Variants in LTBP4 observed in about 807,000 individuals in gnomAD.
The protein encoded by LTBP4 is latent-transforming growth factor beta-binding protein 4.
LTBP4 carries 93 observed loss-of-function variants against 180.2 expected under a neutral mutation model. The ratio of observed to expected loss-of-function variants is 0.52; its 90% CI spans 0.44 to 0.61. The LOEUF (loss-of-function observed/expected upper bound fraction) is 0.61. Among genes scored for constraint, LTBP4 ranks in the 20% least tolerant of loss-of-function variants. LTBP4 has a pLI of 0.00. For synonymous variants in LTBP4, 947 were observed against 934.5 expected (o/e 1.01, Z -0.24); for missense variants, 2,116 against 2,256.5 (o/e 0.94, Z 1.26).
upstream of LTBP4, among the ~76,000 whole-genome samples, chr19:40,598,255 G>A (rs1182692272): frequency 6.6e-6 from 1 of 152,114 alleles, no homozygotes; most frequent in Non-Finnish European, 1.5e-5. Context: ...CTGGAGAAAA[G>A]GCGGGAGGGA....
At chr19:40,617,331 AT>A in intron 21 of LTBP4, 106 bp downstream of exon 21, 1 of 1,413,134 alleles carries the variant, frequency 7.1e-7, no homozygotes, top group Non-Finnish European at 9.5e-7. Context: ...GGGTTGTGGA[AT>A]TTAGACTTTG....
chr19:40,605,197 C>T lies in LTBP4; in HGVS notation c.413C>T (p.Pro138Leu). The part of the protein sequence containing the change: ...PGLTRSVYTM[P>L]LANHRDDEHG... ...CTCACCCGCTCCGTGTACACTATGC[C>T]ACTGGCCAACCACCGCGACGACGAG... Residue 138 changes from proline (P) to leucine (L), a missense_variant, in exon 2 of 30, where the codon CCA becomes CTA. Transcript: ENST00000396819. The surrounding 1 kb of genome is among the most constrained non-coding windows in gnomAD (Gnocchi z 5.5). 2 of 1,604,420 alleles carry T rather than the reference C, an allele frequency of 1.2e-6. No individual in the cohort carries two copies. The highest frequency in any genetic ancestry group is 1.7e-6 in the Non-Finnish European group (2 of 1,175,680).
intron 28 of LTBP4, 30 bp from the exon 29 acceptor site, chr19:40,627,675 C>A (rs375611941): frequency 2.6e-6 from 4 of 1,565,854 alleles, no homozygotes; most frequent in Non-Finnish European, 3.5e-6. Context: ...GCAGGGACCT[C>A]AAGTCATAGG....
chr19:40,625,297 TATA>T (rs2081623114), intron 26 of LTBP4, among the ~76,000 whole-genome samples: 1 of 20,548 alleles, frequency 4.9e-5, no homozygotes, highest in Non-Finnish European at 7.3e-5. Context: ...TATATATATA[TATA>T]TATATATATA....
chr19:40,597,867 T>C (rs1568399467), upstream of LTBP4, among the ~76,000 whole-genome samples: 2 of 147,946 alleles, frequency 1.4e-5, no homozygotes, highest in Non-Finnish European at 3.0e-5. Flanking sequence ...TTCGAATTGG[T>C]CAGGAAGACA....
rs2081452683 is a variant in LTBP4 at position 40,605,469 on chromosome 19, G to A, written c.507G>A (p.Gln169=). The part of the protein sequence containing the change: ...HPQEASVVVH[Q]VERVSGPWEE... ...AGGAGGCGTCGGTGGTGGTGCACCAGGTGGAGCGTGTGTCTGGCCCTTGGG... is the reference window on the plus strand; with the variant it reads ...AGGAGGCGTCGGTGGTGGTGCACCAAGTGGAGCGTGTGTCTGGCCCTTGGG... The change falls in exon 3 of 30, where the codon CAG becomes CAA. Residue 169 remains glutamine, a synonymous_variant. Coordinates refer to ENST00000396819, the MANE Select transcript of LTBP4 (RefSeq NM_001042545.2). This position sits in a 1 kb window ranked among gnomAD's most constrained non-coding sequence, Gnocchi z 5.5. 1 of 1,612,496 alleles carries A rather than the reference G, an allele frequency of 6.2e-7. No homozygotes were observed. The highest frequency in any genetic ancestry group is 1.1e-5 in the South Asian group (1 of 91,090).
In LTBP4 at chr19:40,617,259, G is replaced by T. The variant is rs372458729; in HGVS notation, c.3070+34G>T. On this transcript the variant is annotated intron_variant, in intron 21 of 29. Coordinates refer to ENST00000396819, the MANE Select transcript of LTBP4 (RefSeq NM_001042545.2). The stretch of plus-strand genomic sequence containing the variant: ...CTTCAGGAGGTGGATGGGACCAAAG[G>T]GGGTGGGGGAGGTTGGTCAGGCCCT... The T allele has an allele frequency of 4.6e-5, 74 of 1,598,452 alleles. No homozygotes were observed. The South Asian group carries it at 7.2e-4, about 16-fold the overall frequency.
At position 40,605,696 on chromosome 19, in the gene LTBP4, G is replaced by T; in HGVS notation, c.691-33G>T. ...GGAGGGGCCCGGAGCTTGCCTCCGC[G>T]CGGGGGCGCGCTCACCCAACACTTC... is the stretch of plus-strand genomic sequence containing the variant. On this transcript the variant is annotated intron_variant, in intron 3 of 29. Coordinates refer to ENST00000396819, the MANE Select transcript of LTBP4 (RefSeq NM_001042545.2). The surrounding 1 kb of genome is among the most constrained non-coding windows in gnomAD (Gnocchi z 5.5). The T allele has an allele frequency of 1.3e-6, 2 of 1,545,922 alleles. No individual in the cohort carries two copies. The highest frequency in any genetic ancestry group is 1.7e-6 in the Non-Finnish European group (2 of 1,146,114).
intron 26 of LTBP4, among the ~76,000 whole-genome samples, chr19:40,625,313 TATA>T (rs1568414631): frequency 4.0e-4 from 14 of 34,908 alleles, no homozygotes; most frequent in East Asian, 6.9e-4. Context: ...TATATATATA[TATA>T]TTTTTTTTTT....
At chr19:40,597,234 G>T (rs1385398857), upstream of LTBP4, 17 of 1,489,216 alleles carry the variant, frequency 1.1e-5, no homozygotes, top group African/African-American at 1.8e-4. Flanking sequence ...CGCCCGACAC[G>T]ATGCCGAGGC....
chr19:40,594,114 GGAGA>G (rs1222464604), intron 1 of LTBP4, among the ~76,000 whole-genome samples: 4 of 151,496 alleles, frequency 2.6e-5, no homozygotes, highest in Non-Finnish European at 4.4e-5. Flanking sequence ...GGGTGGGGGG[GGAGA>G]GAGAGAGAGG....
chr19:40,610,151 C>T, intron 11 of LTBP4: 4 of 508,380 alleles, frequency 7.9e-6, no homozygotes, highest in Non-Finnish European at 1.4e-5. Context: ...CCTTATTGGC[C>T]ACGCCCCTCC....
In LTBP4 at chr19:40,622,469, C is replaced by A; in HGVS notation, c.3286C>A (p.Pro1096Thr). Reference sequence around the variant, plus strand: ...TCTGCCCGCCAGGCCACCTCCGCCACCCCTGCCCCGCCGACCCAGCACACC... The same window carrying A: ...TCTGCCCGCCAGGCCACCTCCGCCAACCCTGCCCCGCCGACCCAGCACACC... ...PVLPARPPPP[P>T]LPRRPSTPRQ... is the part of the protein sequence containing the mutation. Residue 1096 changes from proline to threonine, a missense_variant, in exon 23 of 30, where the codon CCC becomes ACC. Pro to Thr is a conservative substitution (Grantham distance 38). Around this residue, in one of 5 missense-constraint regions of LTBP4, gnomAD observed 278 missense variants for 373.0 expected, o/e 0.75. Transcript: ENST00000396819. This position sits in a 1 kb window ranked among gnomAD's most constrained non-coding sequence, Gnocchi z 5.1. 1 of 1,606,948 alleles carries A rather than the reference C, an allele frequency of 6.2e-7. No individual in the cohort carries two copies. Among genetic ancestry groups the A allele is most frequent in the Non-Finnish European group, 8.5e-7 (1 of 1,176,036 alleles).
chr19:40,603,598 G>A (rs745938196), intron 1 of LTBP4, among the ~76,000 whole-genome samples: 1 of 152,144 alleles, frequency 6.6e-6, no homozygotes, highest in Non-Finnish European at 1.5e-5. Flanking sequence ...GAACTCGAGA[G>A]GACTGCCCTT....
At position 40,625,279 on chromosome 19, in the gene LTBP4, TATATATATATATA is replaced by T. The variant is rs1568414361; in HGVS notation, c.3833-577_3833-565del. On this transcript the variant is annotated intron_variant, in intron 26 of 29. Coordinates refer to ENST00000396819, the MANE Select transcript of LTBP4 (RefSeq NM_001042545.2). Reference sequence around the variant, plus strand: ...ATATATATATATATATATATATATATATATATATATATATATATATATATATATATATATATAT... The same window carrying T: ...ATATATATATATATATATATATATATTATATATATATATATATATATATAT... Among the ~76,000 whole-genome samples the T allele has an allele frequency of 6.1e-3, 59 of 9,642 alleles. 8 individuals carry two copies. The highest frequency in any genetic ancestry group is 8.0e-3 in the Non-Finnish European group (49 of 6,104). 6.3% of individuals were successfully genotyped at this position (9,642 alleles called of 152,430 possible). A position where few individuals can be genotyped will look rare whatever the true frequency, so the allele number is the denominator to read the frequency against.
chr19:40,619,989 G>A (rs1402518133), intron 22 of LTBP4, among the ~76,000 whole-genome samples: 5 of 152,188 alleles, frequency 3.3e-5, no homozygotes, highest in Non-Finnish European at 7.3e-5. Flanking sequence ...AATGAGCCAG[G>A]CCCGATGAGT....
In LTBP4 at chr19:40,629,665, G is replaced by T. The variant is rs1025495182; in HGVS notation, c.*115G>T. The T allele has an allele frequency of 1.8e-6, 2 of 1,101,324 alleles. No individual in the cohort carries two copies. Among genetic ancestry groups the T allele is most frequent in the East Asian group, 7.3e-5 (2 of 27,292 alleles). 68.2% of individuals were successfully genotyped at this position (1,101,324 alleles called of 1,614,324 possible). A position where few individuals can be genotyped will look rare whatever the true frequency, so the allele number is the denominator to read the frequency against. On this transcript the variant is annotated 3_prime_UTR_variant, in exon 30 of 30. Transcript: ENST00000396819. The surrounding 1 kb of genome is among the most constrained non-coding windows in gnomAD (Gnocchi z 4.5). ...GCCGCCCGCCTGGACCTGGAGAAGGGACCTACGGACGCCTGGAAGCTGCGA... is the reference window on the plus strand; with the variant it reads ...GCCGCCCGCCTGGACCTGGAGAAGGTACCTACGGACGCCTGGAAGCTGCGA...
chr19:40,607,261 A>AACCCCCCC lies in LTBP4; in HGVS notation c.992-104_992-103insACCCCCCC. 28 of 490,448 alleles carry AACCCCCCC rather than the reference A, an allele frequency of 5.7e-5. 1 individual carries two copies. The highest frequency in any genetic ancestry group is 7.2e-5 in the South Asian group (3 of 41,720). The allele number at this position is 490,448 out of a possible 1,614,324, so 30.4% of individuals were successfully genotyped here. ...TCCCAAATGCCCCTCGCACCCACCAACCCCCCACCCCCAACCCCAGAACCA... is the reference window on the plus strand; with the variant it reads ...TCCCAAATGCCCCTCGCACCCACCAAACCCCCCCCCCCCCACCCCCAACCCCAGAACCA... On this transcript the variant is annotated intron_variant, in intron 6 of 29. Transcript: ENST00000396819.
At chr19:40,623,470 TG>T in intron 24 of LTBP4, 133 bp from the exon 25 acceptor site, 1 of 1,170,552 alleles carries the variant, frequency 8.5e-7, no homozygotes, top group Non-Finnish European at 1.2e-6. Context: ...CCACCGCTCC[TG>T]GCCTCTCCAT....
Sources: allele counts gnomAD v4.1 joint callset (sites outside exome capture counted in the v4.1 genomes callset), GRCh38; gene constraint gnomAD v4.1.1; regional missense constraint gnomAD v4.1.1; non-coding constraint Gnocchi (gnomAD v3.1); transcripts MANE v1.5; gene names NCBI Gene and HGNC (gene_info 2026-07-23, HGNC 2026-07-21).